The following KAZN variants were observed in gnomAD, a reference collection of about 807,000 sequenced individuals.
KAZN encodes kazrin.
KAZN carries 40 observed loss-of-function variants against 87.4 expected under a neutral mutation model. That is an observed-to-expected ratio of 0.46 (90% CI 0.36 to 0.60). KAZN has a LOEUF of 0.60. Among genes scored for constraint, KAZN ranks in the 20% least tolerant of loss-of-function variants. The pLI is 0.00. For synonymous variants in KAZN, 466 were observed against 458.3 expected, an observed-to-expected ratio of 1.02 and a Z score of -0.22; for missense variants, 898 against 1,073.9, an observed-to-expected ratio of 0.84 and a Z score of 2.29.
intron 1 of KAZN, among the ~76,000 whole-genome samples, chr1:14,847,225 A>T (rs1423135478): frequency 6.6e-6 from 1 of 152,190 alleles, no homozygotes; most frequent in Non-Finnish European, 1.5e-5. Flanking sequence ...TCTCATAGAC[A>T]TCACAGTGCC....
chr1:13,937,600 T>G (rs185886623), intron 1 of KAZN, among the ~76,000 whole-genome samples: 2 of 152,350 alleles, frequency 1.3e-5, no homozygotes, highest in Non-Finnish European at 2.9e-5. Flanking sequence ...TTCTTTGGCC[T>G]ATACCAATGT....
upstream of KAZN, among the ~76,000 whole-genome samples, chr1:14,595,680 C>CAAAAAAA (rs34080804): frequency 6.3e-4 from 61 of 96,518 alleles, no homozygotes; most frequent in African/African-American, 2.5e-3. Context: ...GACTGCGTCT[C>CAAAAAAA]AAAAAAAAAA....
chr1:14,621,816 C>A (rs1328834984), intron 1 of KAZN, among the ~76,000 whole-genome samples: 1 of 152,166 alleles, frequency 6.6e-6, no homozygotes, highest in Non-Finnish European at 1.5e-5. Flanking sequence ...CTGTGAGGCC[C>A]CCCCTCAACC....
intron 1 of KAZN, among the ~76,000 whole-genome samples, chr1:14,686,521 TCTTAA>T (rs1336692326): frequency 6.6e-6 from 1 of 152,236 alleles, no homozygotes; most frequent in Non-Finnish European, 1.5e-5. Flanking sequence ...ATTCTACTTT[TCTTAA>T]CTTATTTTTA....
Position 14,564,208 on chromosome 1 carries a change from A to G in KAZN, c.250-34775A>G, listed in dbSNP as rs559875785. 3.9e-5 allele frequency among the ~76,000 whole-genome samples: 6 copies of G among 152,176 alleles called. No homozygotes were observed. The East Asian group carries it at 1.2e-3, about 30-fold the overall frequency. On this transcript the variant is annotated intron_variant, in intron 2 of 16. Coordinates refer to the KAZN transcript ENST00000636203. The stretch of plus-strand genomic sequence containing the variant: ...TTCTGAACTTAGTATTTCATTCTAC[A>G]ATGTTCCCTTTGTATGAATGCCCTT...
At chr1:14,967,347 C>CG (rs1339900254) in intron 2 of KAZN, among the ~76,000 whole-genome samples, 1 of 152,182 alleles carries the variant, frequency 6.6e-6, no homozygotes, top group Non-Finnish European at 1.5e-5. Flanking sequence ...CCCCCAGCCT[C>CG]CAGATGGTCA....
At chr1:14,863,240 C>T (rs532488198) in intron 1 of KAZN, among the ~76,000 whole-genome samples, 1 of 152,274 alleles carries the variant, frequency 6.6e-6, no homozygotes, top group East Asian at 1.9e-4. Context: ...AAGGCATCCC[C>T]CGGGAATGTA....
At chr1:14,452,576 C>A (rs930571634) in intron 2 of KAZN, among the ~76,000 whole-genome samples, 2 of 152,122 alleles carry the variant, frequency 1.3e-5, no homozygotes, top group African/African-American at 4.8e-5. Context: ...TAGCAAGTGG[C>A]CATTTGGCTG....
At chr1:14,367,268 G>T (rs969567509) in intron 2 of KAZN, among the ~76,000 whole-genome samples, 1 of 152,102 alleles carries the variant, frequency 6.6e-6, no homozygotes, top group African/African-American at 2.4e-5. Context: ...AAGGAAGCTG[G>T]AAGGGAGATG....
chr1:14,405,928 G>A (rs1663813886), intron 2 of KAZN, among the ~76,000 whole-genome samples: 1 of 152,218 alleles, frequency 6.6e-6, no homozygotes, highest in East Asian at 1.9e-4. Flanking sequence ...CCACATTAGG[G>A]AGGGCAGTCT....
intron 1 of KAZN, among the ~76,000 whole-genome samples, chr1:14,638,164 C>T (rs533496297): frequency 6.6e-5 from 10 of 152,346 alleles, no homozygotes; most frequent in Admixed American, 5.9e-4. Flanking sequence ...CTCAACGAAT[C>T]ACCTCTGCAA....
At chr1:13,992,283 A>G (rs1639316946) in intron 1 of KAZN, among the ~76,000 whole-genome samples, 1 of 149,384 alleles carries the variant, frequency 6.7e-6, no homozygotes, top group Non-Finnish European at 1.5e-5. Context: ...TGCTGAATTT[A>G]TGAATCTTTA....
intron 2 of KAZN, among the ~76,000 whole-genome samples, chr1:14,327,108 C>T (rs145660307): frequency 1.6e-4 from 24 of 152,234 alleles, no homozygotes; most frequent in African/African-American, 5.1e-4. Context: ...AGGAATGTGT[C>T]GGCTCAAGTT....
intron 2 of KAZN, among the ~76,000 whole-genome samples, chr1:14,359,975 G>T (rs919660816): frequency 2.6e-5 from 4 of 152,188 alleles, no homozygotes; most frequent in Non-Finnish European, 5.9e-5. Flanking sequence ...GAATTTGGAT[G>T]TTGGCCTGTC....
intron 1 of KAZN, among the ~76,000 whole-genome samples, chr1:14,664,657 T>C (rs1243975204): frequency 1.3e-5 from 2 of 149,764 alleles, no homozygotes; most frequent in Non-Finnish European, 3.0e-5. Context: ...TTTTCTCTTT[T>C]TTTTTTTTTT....
intron 2 of KAZN, among the ~76,000 whole-genome samples, chr1:14,467,932 C>G (rs1668253252): frequency 6.6e-6 from 1 of 152,136 alleles, no homozygotes; most frequent in African/African-American, 2.4e-5. Context: ...GTCAAATGTC[C>G]ACACCTGAGC....
chr1:14,089,609 C>A (rs1012837509), intron 1 of KAZN, among the ~76,000 whole-genome samples: 1 of 152,184 alleles, frequency 6.6e-6, no homozygotes, highest in Non-Finnish European at 1.5e-5. Flanking sequence ...TCATTTTACA[C>A]TGCATGTGGT....
At chr1:14,086,545 A>T (rs1009640887) in intron 1 of KAZN, among the ~76,000 whole-genome samples, 10 of 152,192 alleles carry the variant, frequency 6.6e-5, no homozygotes, top group African/African-American at 2.4e-4. Context: ...TAAATTTATC[A>T]ATTGTTTCTT....
At chr1:14,597,840 C>T (rs1338584906), upstream of KAZN, among the ~76,000 whole-genome samples, 1 of 152,128 alleles carries the variant, frequency 6.6e-6, no homozygotes, top group Non-Finnish European at 1.5e-5. Context: ...AATGCAAAGC[C>T]TGTGGTCTGG....
Sources: gnomAD v4.1 joint callset for allele counts (sites outside exome capture counted in the v4.1 genomes callset) on GRCh38, gnomAD v4.1.1 for gene constraint, MANE v1.5 for transcripts, NCBI Gene and HGNC (gene_info 2026-07-23, HGNC 2026-07-21) for gene names.